Variants in FRYL observed in about 807,000 individuals in gnomAD.
The protein encoded by FRYL is protein furry homolog-like.
A neutral mutation model predicts 351.2 loss-of-function variants in FRYL; 150 were observed. The observed-to-expected ratio is 0.43, with a 90% confidence interval of 0.37 to 0.49. The LOEUF is 0.49. FRYL is among the 20% of genes least tolerant of loss of function. The pLI is 0.00. For missense variants in FRYL, 3,036 were observed against 3,619.3 expected (o/e 0.84, Z 4.13); for synonymous variants, 1,153 against 1,257.1 (o/e 0.92, Z 1.75).
intron 3 of FRYL, among the ~76,000 whole-genome samples, chr4:48,659,964 A>AGAAGAAGAG (rs1760358551): frequency 6.7e-6 from 1 of 148,392 alleles, no homozygotes; most frequent in African/African-American, 2.5e-5. Flanking sequence ...AAGAAGAAGA[A>AGAAGAAGAG]GAAGAAAGGA....
chr4:48,779,642 T>G (rs1560391826), intron 1 of FRYL, among the ~76,000 whole-genome samples: 1 of 151,756 alleles, frequency 6.6e-6, no homozygotes, highest in Non-Finnish European at 1.5e-5. Context: ...GCCACCGCCT[T>G]CCTTCCCGCG....
intron 53 of FRYL, among the ~76,000 whole-genome samples, chr4:48,523,986 A>C (rs1222620016): frequency 6.6e-6 from 1 of 152,292 alleles, no homozygotes; most frequent in East Asian, 1.9e-4. Flanking sequence ...ACAAATTTCA[A>C]TTTCTCCCAC....
chr4:48,686,096 A>G (rs1420893448), intron 2 of FRYL, among the ~76,000 whole-genome samples: 1 of 151,804 alleles, frequency 6.6e-6, no homozygotes, highest in Non-Finnish European at 1.5e-5. Flanking sequence ...TGGCATTGAA[A>G]CTCAAATTAG....
intron 4 of FRYL, among the ~76,000 whole-genome samples, chr4:48,629,913 C>T (rs1478520346): frequency 6.6e-6 from 1 of 152,148 alleles, no homozygotes; most frequent in Non-Finnish European, 1.5e-5. Context: ...TTTCACTTTA[C>T]CTTCAGAGGC....
intron 49 of FRYL, among the ~76,000 whole-genome samples, chr4:48,532,382 G>C (rs1226983484): frequency 1.3e-5 from 2 of 152,200 alleles, no homozygotes; most frequent in African/African-American, 4.8e-5. Context: ...TAAAGGCCGG[G>C]AGCAATGGCT....
chr4:48,575,923 C>T, intron 24 of FRYL, 107 bp downstream of exon 24: 1 of 902,036 alleles, frequency 1.1e-6, no homozygotes. Flanking sequence ...GTAAGTAACA[C>T]ATTTTCAACT....
chr4:48,665,804 CA>C (rs1312541914), intron 3 of FRYL, among the ~76,000 whole-genome samples: 5 of 152,324 alleles, frequency 3.3e-5, no homozygotes, highest in African/African-American at 1.2e-4. Flanking sequence ...AGACCTCTTA[CA>C]GTCACCTTCT....
intron 4 of FRYL, among the ~76,000 whole-genome samples, chr4:48,624,544 C>T (rs1050914398): frequency 1.3e-5 from 2 of 152,166 alleles, no homozygotes; most frequent in Admixed American, 1.3e-4. Flanking sequence ...AGGCTTCCCC[C>T]AGTAGAAAAC....
intron 2 of FRYL, among the ~76,000 whole-genome samples, chr4:48,709,964 T>C (rs533380727): frequency 6.6e-6 from 1 of 152,320 alleles, no homozygotes; most frequent in African/African-American, 2.4e-5. Flanking sequence ...GGTCTCCCAT[T>C]TCTGCTCAAT....
At chr4:48,628,572 C>T (rs566575895) in intron 4 of FRYL, among the ~76,000 whole-genome samples, 21 of 151,692 alleles carry the variant, frequency 1.4e-4, no homozygotes, top group Middle Eastern at 6.8e-3. Context: ...TACAAAATTA[C>T]GACTAGAGTG....
intron 1 of FRYL, among the ~76,000 whole-genome samples, chr4:48,759,483 A>G (rs1774179573): frequency 6.6e-6 from 1 of 152,212 alleles, no homozygotes; most frequent in African/African-American, 2.4e-5. Context: ...ATTATCTTAC[A>G]GTTTTGGAGG....
At chr4:48,509,547 A>G (rs1168655870) in intron 59 of FRYL, among the ~76,000 whole-genome samples, 4 of 152,158 alleles carry the variant, frequency 2.6e-5, no homozygotes, top group East Asian at 3.8e-4. Context: ...GTCCCTCCCA[A>G]TTGAAAATGT....
chr4:48,518,999 G>T (rs1223656634), intron 55 of FRYL, among the ~76,000 whole-genome samples: 2 of 152,218 alleles, frequency 1.3e-5, no homozygotes, highest in Non-Finnish European at 2.9e-5. Context: ...GTAGATACTG[G>T]TCACATAAAT....
At chr4:48,583,739 T>C (rs894570293) in intron 19 of FRYL, among the ~76,000 whole-genome samples, 24 of 151,806 alleles carry the variant, frequency 1.6e-4, no homozygotes, top group South Asian at 6.3e-4. Context: ...CCCGTCTCTA[T>C]TAAAAATACA....
At chr4:48,743,355 G>A (rs559379538) in intron 1 of FRYL, among the ~76,000 whole-genome samples, 2 of 152,198 alleles carry the variant, frequency 1.3e-5, no homozygotes, top group South Asian at 4.1e-4. Flanking sequence ...GCTTAGAGAT[G>A]ACTTAGCTTG....
intron 2 of FRYL, among the ~76,000 whole-genome samples, chr4:48,708,194 G>A (rs142492506): frequency 5.5e-4 from 83 of 151,694 alleles, no homozygotes; most frequent in African/African-American, 1.8e-3. Flanking sequence ...CAGGAGAATC[G>A]CTTGAACCCA....
intron 16 of FRYL, among the ~76,000 whole-genome samples, chr4:48,592,607 T>G (rs1371916937): frequency 6.6e-6 from 1 of 152,166 alleles, no homozygotes; most frequent in Non-Finnish European, 1.5e-5. Flanking sequence ...ATATCTTTTG[T>G]TTCATAATTT....
At chr4:48,728,105 C>T (rs1390819333) in intron 1 of FRYL, among the ~76,000 whole-genome samples, 1 of 152,072 alleles carries the variant, frequency 6.6e-6, no homozygotes, top group Non-Finnish European at 1.5e-5. Flanking sequence ...AAGAAAAGAT[C>T]ACAAGGCATA....
intron 1 of FRYL, among the ~76,000 whole-genome samples, chr4:48,771,225 A>C (rs931113831): frequency 1.2e-4 from 18 of 152,242 alleles, no homozygotes; most frequent in African/African-American, 3.6e-4. Context: ...TATCAGGAAT[A>C]TTACATACAA....
Sources: gnomAD v4.1 joint callset for allele counts (sites outside exome capture counted in the v4.1 genomes callset) on GRCh38, gnomAD v4.1.1 for gene constraint, MANE v1.5 for transcripts, NCBI Gene and HGNC (gene_info 2026-07-23, HGNC 2026-07-21) for gene names.